PRKDC: variants seen among roughly 807,000 people sequenced by gnomAD.
PRKDC encodes protein kinase, DNA-activated, catalytic subunit, also known as DNA-dependent protein kinase catalytic subunit.
In PRKDC, 82 loss-of-function variants were observed where a neutral mutation model predicts 486.9. The observed-to-expected ratio is 0.17, with a 90% CI of 0.14 to 0.20. The LOEUF is 0.20. Ranked by LOEUF, PRKDC falls within the 10% of genes least tolerant of loss-of-function variation. The pLI is 1.00. For synonymous variants in PRKDC, 1,895 were observed against 1,837.0 expected, an observed-to-expected ratio of 1.03 and a Z score of -0.81; for missense variants, 4,504 against 5,038.2, an observed-to-expected ratio of 0.89 and a Z score of 3.21.
intron 25 of PRKDC, among the ~76,000 whole-genome samples, chr8:47,905,647 AG>A (rs1369836319): frequency 6.6e-6 from 1 of 152,178 alleles, no homozygotes; most frequent in East Asian, 1.9e-4. Context: ...CCAGTACCAC[AG>A]GGGAGGAACA....
intron 54 of PRKDC, among the ~76,000 whole-genome samples, chr8:47,847,128 A>C (rs2088284989): frequency 6.6e-6 from 1 of 152,236 alleles, no homozygotes; most frequent in Non-Finnish European, 1.5e-5. Context: ...TTTTCACAGA[A>C]TTGGAAAAAA....
At chr8:47,814,647 G>GA (rs1019372772) in intron 68 of PRKDC, among the ~76,000 whole-genome samples, 4 of 151,962 alleles carry the variant, frequency 2.6e-5, no homozygotes, top group African/African-American at 9.7e-5. Context: ...TCTCCATACT[G>GA]AAAAAATACA....
intron 76 of PRKDC, among the ~76,000 whole-genome samples, chr8:47,787,049 AT>A (rs771376905): frequency 1.2e-3 from 183 of 152,264 alleles, no homozygotes; most frequent in Non-Finnish European, 2.4e-3. Flanking sequence ...TCTAAAAGCA[AT>A]TATTATAAGT....
At chr8:47,801,941 C>A (rs1296481128) in intron 70 of PRKDC, among the ~76,000 whole-genome samples, 1 of 152,288 alleles carries the variant, frequency 6.6e-6, no homozygotes, top group South Asian at 2.1e-4. Flanking sequence ...TGAACTACAA[C>A]CATACTCTGT....
intron 59 of PRKDC, among the ~76,000 whole-genome samples, chr8:47,832,905 GA>G (rs1563757696): frequency 6.6e-6 from 1 of 152,238 alleles, no homozygotes; most frequent in Non-Finnish European, 1.5e-5. Flanking sequence ...CATCCACAGA[GA>G]AAAGACCCAC....
intron 70 of PRKDC, among the ~76,000 whole-genome samples, chr8:47,802,365 G>A (rs1231770394): frequency 6.6e-6 from 1 of 152,074 alleles, no homozygotes; most frequent in Non-Finnish European, 1.5e-5. Flanking sequence ...CAGAATGCTA[G>A]CACACACCCT....
At chr8:47,902,935 G>A in intron 26 of PRKDC, 140 bp from the exon 27 acceptor site, 1 of 535,650 alleles carries the variant, frequency 1.9e-6, no homozygotes, top group Non-Finnish European at 3.0e-6. Flanking sequence ...ATAAACATTA[G>A]TAAAACCAAT....
chr8:47,782,140 C>T lies in PRKDC; in HGVS notation c.11489+22G>A, dbSNP rs1341673430. On this transcript the variant is annotated intron_variant, in intron 80 of 85. Transcript: ENST00000314191. This position sits in a 1 kb window ranked among gnomAD's most constrained non-coding sequence, Gnocchi z 4.9. ...TGAGGGGAGGCGACTGCTGGGGGAG[C>T]AGGGCGTGTGGCCGCCCTTACCTCA... is the stretch of plus-strand genomic sequence containing the variant. The T allele has an allele frequency of 1.3e-6, 2 of 1,594,956 alleles. No individual in the cohort carries two copies. Among genetic ancestry groups the T allele is most frequent in the African/African-American group, 2.7e-5 (2 of 74,516 alleles).
chr8:47,917,817 A>G (rs34991221), intron 22 of PRKDC, among the ~76,000 whole-genome samples: 1 of 152,158 alleles, frequency 6.6e-6, no homozygotes, highest in African/African-American at 2.4e-5. Context: ...AATAAACAAA[A>G]CAGTTAATAT....
chr8:47,937,178 T>C (rs2090367354), intron 11 of PRKDC, among the ~76,000 whole-genome samples: 1 of 151,522 alleles, frequency 6.6e-6, no homozygotes, highest in Non-Finnish European at 1.5e-5. Flanking sequence ...GGAGAATCAC[T>C]TGAACCCAGG....
Position 47,799,343 on chromosome 8 carries a change from A to T in PRKDC, c.10164T>A (p.Ala3388=). 4 of 1,609,432 alleles carry T rather than the reference A, an allele frequency of 2.5e-6. No homozygotes were observed. The highest frequency in any genetic ancestry group is 3.4e-6 in the Non-Finnish European group (4 of 1,178,964). ...YQRAFQHLSE[A]VQAAEEEAQP... The stretch of plus-strand genomic sequence containing the variant: ...GGGCCTCCTCCTCAGCCGCCTGCAC[A>T]GCCTCAGAGAGGTGCTGGAATGCTC... The change falls in exon 72 of 86, where the codon GCT becomes GCA. Residue 3388 remains alanine (A), a synonymous_variant. Transcript: ENST00000314191.
intron 54 of PRKDC, among the ~76,000 whole-genome samples, chr8:47,847,356 C>T (rs1293179276): frequency 2.0e-5 from 3 of 152,036 alleles, no homozygotes; most frequent in Non-Finnish European, 2.9e-5. Flanking sequence ...GAAATAAAGC[C>T]GAACCATCTG....
chr8:47,841,095 G>A (rs960201221), intron 54 of PRKDC, among the ~76,000 whole-genome samples: 9 of 152,184 alleles, frequency 5.9e-5, no homozygotes, highest in Non-Finnish European at 1.2e-4. Flanking sequence ...GGGGTGAGTG[G>A]AGTGACTATA....
chr8:47,912,420 T>C lies in PRKDC; in HGVS notation c.2924A>G (p.Asp975Gly), dbSNP rs1351308193. ...ATTCAAAGCCCTTACCTGATCAACA[T>C]CACACGCAAGTCGAAGCAGCACAGG... ...TFPVLLRLACDVDQVTRQLYE... is the reference protein window; with the variant it reads ...TFPVLLRLACGVDQVTRQLYE... The change falls in exon 25 of 86, where the codon GAT becomes GGT. Residue 975 changes from aspartate (D) to glycine (G), a missense_variant. Transcript: ENST00000314191. 3.2e-5 allele frequency: 51 copies of C among 1,589,228 alleles called. No individual in the cohort carries two copies. The highest frequency in any genetic ancestry group is 4.4e-5 in the Non-Finnish European group (51 of 1,167,526).
Position 47,918,368 on chromosome 8 carries a change from T to C in PRKDC, c.2435A>G (p.Asn812Ser), listed in dbSNP as rs1404410257. Residue 812 changes from asparagine to serine, a missense_variant, in exon 22 of 86, where the codon AAC becomes AGC. Transcript: ENST00000314191. ...TSALSDETKN[N>S]WEVSALSRAA... ...CCGAGAAAGAGCTGACACTTCCCAG[T>C]TATTCTTGGTCTCATCTATCAATAG... 1 of 1,581,816 alleles carries C rather than the reference T, an allele frequency of 6.3e-7. No homozygotes were observed. Among genetic ancestry groups the C allele is most frequent in the South Asian group, 1.2e-5 (1 of 85,218 alleles).
intron 21 of PRKDC, among the ~76,000 whole-genome samples, chr8:47,922,576 G>A (rs529609226): frequency 2.7e-5 from 4 of 148,658 alleles, no homozygotes; most frequent in South Asian, 4.3e-4. Flanking sequence ...AAAATGGTAC[G>A]TGGGATTACA....
chr8:47,822,730 C>T (rs1420778293), intron 64 of PRKDC, among the ~76,000 whole-genome samples: 2 of 152,158 alleles, frequency 1.3e-5, no homozygotes, highest in Admixed American at 6.5e-5. Context: ...GCAGAGCTTG[C>T]AGTGAGCCCA....
rs901552373 is a variant in PRKDC, at chr8:47,782,640, C to T, written c.11176-42G>A. ...GTCATCTCAGGGCACAGGCTAGCCACGTGTCAAACTCAGAGGGAAAAGCCA... is the reference window on the plus strand; with the variant it reads ...GTCATCTCAGGGCACAGGCTAGCCATGTGTCAAACTCAGAGGGAAAAGCCA... On this transcript the variant is annotated intron_variant, in intron 78 of 85. Transcript: ENST00000314191. The surrounding 1 kb of genome is among the most constrained non-coding windows in gnomAD (Gnocchi z 4.9). 1.7e-5 allele frequency: 26 copies of T among 1,538,644 alleles called. No individual in the cohort carries two copies. Among genetic ancestry groups the T allele is most frequent in the South Asian group, 7.2e-5 (6 of 83,794 alleles).
intron 64 of PRKDC, 101 bp downstream of exon 64, chr8:47,823,757 C>T: frequency 7.3e-7 from 1 of 1,378,122 alleles, no homozygotes; most frequent in Non-Finnish European, 1.0e-6. Context: ...AGACATTGAA[C>T]CAACAAGGAT....
Sources: gnomAD v4.1 joint callset for allele counts (sites outside exome capture counted in the v4.1 genomes callset) on GRCh38, gnomAD v4.1.1 for gene constraint, Gnocchi (gnomAD v3.1) non-coding constraint, MANE v1.5 for transcripts, NCBI Gene and HGNC (gene_info 2026-07-23, HGNC 2026-07-21) for gene names.